The following COL12A1 variants were observed in gnomAD, a reference collection of about 807,000 sequenced individuals.
COL12A1 encodes collagen type XII alpha 1 chain.
Under a neutral mutation model 349.7 loss-of-function variants are expected in COL12A1, and 114 were observed. The ratio of observed to expected loss-of-function variants is 0.33; its 90% CI spans 0.28 to 0.38. The LOEUF (loss-of-function observed/expected upper bound fraction) is 0.38. Ranked by LOEUF, COL12A1 falls within the 10% of genes least tolerant of loss-of-function variation. The pLI, the probability that COL12A1 is intolerant of heterozygous loss-of-function variation, is 1.00. For missense variants in COL12A1, 3,284 were observed against 3,756.9 expected (o/e 0.87, Z 3.29); for synonymous variants, 1,369 against 1,329.0 (o/e 1.03, Z -0.66).
rs368773405 is a variant in COL12A1 at position 75,152,248 on chromosome 6, G to C, written c.3718C>G (p.Leu1240Val). The change falls in exon 19 of 66, where the codon CTT becomes GTT. Residue 1240 changes from leucine (L) to valine (V), a missense_variant and splice_region_variant. Leu to Val is a conservative substitution (Grantham distance 32, BLOSUM62 1). This residue lies in a region of COL12A1 where 2,601 missense variants were observed against 2,824.8 expected (regional missense o/e 0.92). Transcript: ENST00000322507. ...CTGGGATCCCCACTATACTGAGCAA[G>C]AGCTAAAATGACACCACTGGCATTA... ...DIGPKRVQIA[L>V]AQYSGDPRTE... The C allele has an allele frequency of 2.0e-5, 32 of 1,613,564 alleles. No homozygotes were observed. The highest frequency in any genetic ancestry group is 2.6e-5 in the Non-Finnish European group (31 of 1,179,750).
At chr6:75,187,182 A>AATG (rs1347513416) in intron 8 of COL12A1, among the ~76,000 whole-genome samples, 1 of 149,566 alleles carries the variant, frequency 6.7e-6, no homozygotes, top group Non-Finnish European at 1.5e-5. Context: ...ATATATTTAA[A>AATG]ATGATGTTTA....
intron 31 of COL12A1, among the ~76,000 whole-genome samples, chr6:75,136,335 C>A (rs955897440): frequency 1.3e-5 from 2 of 152,140 alleles, no homozygotes; most frequent in Admixed American, 6.5e-5. Context: ...CTAAAACAGA[C>A]AAATTCTCAG....
At position 75,145,438 on chromosome 6, in the gene COL12A1, T is replaced by C. The variant is rs1767129489; in HGVS notation, c.4578A>G (p.Thr1526=). 1.9e-6 allele frequency: 3 copies of C among 1,613,808 alleles called. No individual in the cohort carries two copies. Among genetic ancestry groups the C allele is most frequent in the South Asian group, 1.1e-5 (1 of 91,064 alleles). Residue 1526 remains threonine, a synonymous_variant, in exon 25 of 66, where the codon ACA becomes ACG. Transcript: ENST00000322507. ...TRPKEVRLGP[T]VNDMQLTDLV... ...GGTCAGTCAGCTGCATGTCATTCAC[T>C]GTTGGCCCCAAACGCACCTGCACAT...
chr6:75,158,072 C>G lies in COL12A1; in HGVS notation c.2984-1549G>C, dbSNP rs147864500. Among the ~76,000 whole-genome samples the G allele has an allele frequency of 2.0e-5, 3 of 152,148 alleles. No homozygotes were observed. In the East Asian group the frequency reaches 5.8e-4, roughly 29 times the overall value. On this transcript the variant is annotated intron_variant, in intron 14 of 65. Coordinates refer to ENST00000322507, the MANE Select transcript of COL12A1 (RefSeq NM_004370.6). Reference sequence around the variant, plus strand: ...CTAGCACCCAAGCAAATAAAATTCACAAAATCTGACATCTAATAAAAGTTA... The same window carrying G: ...CTAGCACCCAAGCAAATAAAATTCAGAAAATCTGACATCTAATAAAAGTTA...
intron 47 of COL12A1, among the ~76,000 whole-genome samples, chr6:75,117,045 G>A (rs899332965): frequency 6.6e-6 from 1 of 152,082 alleles, no homozygotes; most frequent in Admixed American, 6.6e-5. Flanking sequence ...GATTACTAAT[G>A]GGGAAAACCT....
Position 75,121,322 on chromosome 6 carries a change from T to C in COL12A1, c.7066A>G (p.Ile2356Val). Residue 2356 changes from isoleucine (I) to valine (V), a missense_variant, in exon 44 of 66, where the codon ATC (isoleucine) becomes GTC (valine). Physicochemically the swap from Ile to Val is conservative, Grantham distance 29 (BLOSUM62 3). This residue lies in a region of COL12A1 where 683 missense variants were observed against 932.1 expected (regional missense o/e 0.73). Transcript: ENST00000322507. ...IFNTVGGFDEISPAGIQVSFV... is the reference protein window; with the variant it reads ...IFNTVGGFDEVSPAGIQVSFV... ...CTAACCTGAATCCCAGCAGGACTGA[T>C]TTCATCAAAGCCTCCCACAGTATTG... The C allele has an allele frequency of 6.2e-7, 1 of 1,608,884 alleles. No homozygotes were observed. Among genetic ancestry groups the C allele is most frequent in the Non-Finnish European group, 8.5e-7 (1 of 1,176,406 alleles).
At position 75,133,935 on chromosome 6, in the gene COL12A1, G is replaced by A. The variant is rs201372309; in HGVS notation, c.5587C>T (p.Arg1863Cys). ...YDPSTSTLNV[R>C]WDHAEGNPRQ... is the part of the protein sequence containing the mutation. ...GGATTTCCCTCTGCATGGTCCCAGC[G>A]GACATTCAAGGTGCTGGTAGAAGGG... Residue 1863 changes from arginine to cysteine, a missense_variant, in exon 33 of 66, where the codon CGC becomes TGC. Arg to Cys is a radical substitution (Grantham distance 180). Around this residue, in one of 2 missense-constraint regions of COL12A1, gnomAD observed 2,601 missense variants for 2,824.8 expected, o/e 0.92. Transcript: ENST00000322507. 111 of 1,613,950 alleles carry A rather than the reference G, an allele frequency of 6.9e-5. No individual in the cohort carries two copies. Among genetic ancestry groups the A allele is most frequent in the East Asian group, 1.1e-4 (5 of 44,852 alleles).
At chr6:75,119,235 C>T (rs1254839274) in intron 45 of COL12A1, 49 bp from the exon 46 acceptor site, 1 of 1,612,968 alleles carries the variant, frequency 6.2e-7, no homozygotes, top group Non-Finnish European at 8.5e-7. Context: ...GTGAAAACTA[C>T]CCAAATGCCA....
intron 8 of COL12A1, 138 bp from the exon 9 acceptor site, chr6:75,184,282 C>T (rs1769491493): frequency 2.2e-6 from 2 of 927,424 alleles, no homozygotes; most frequent in Non-Finnish European, 1.6e-6. Flanking sequence ...ATACCCGCCT[C>T]AGTCCCCAAT....
intron 38 of COL12A1, among the ~76,000 whole-genome samples, chr6:75,127,238 A>C (rs1158722834): frequency 6.6e-6 from 1 of 152,130 alleles, no homozygotes; most frequent in Non-Finnish European, 1.5e-5. Context: ...ATCTGAGAAA[A>C]TTTAAAAAGT....
At position 75,189,367 on chromosome 6, in the gene COL12A1, A is replaced by C. The variant is rs370494661; in HGVS notation, c.673T>G (p.Tyr225Asp). 2 of 1,612,674 alleles carry C rather than the reference A, an allele frequency of 1.2e-6. No individual in the cohort carries two copies. The highest frequency in any genetic ancestry group is 1.7e-6 in the Non-Finnish European group (2 of 1,179,324). ...TCCGTGAAAGTATTTTTAACTAAAT[A>C]ATCAATGGCATCCCCTAAAGGGAAA... ...GNTMTGDAID[Y>D]LVKNTFTESA... The change falls in exon 7 of 66, where the codon TAT becomes GAT. Residue 225 changes from tyrosine (Y) to aspartate (D), a missense_variant. Tyr to Asp is a radical substitution (Grantham distance 160). Transcript: ENST00000322507.
Position 75,097,266 on chromosome 6 carries a change from G to A in COL12A1, c.8564C>T (p.Pro2855Leu). Residue 2855 changes from proline (P) to leucine (L), a missense_variant, in exon 59 of 66, where the codon CCA becomes CTA. Physicochemically the swap from Pro to Leu is moderately conservative, Grantham distance 98 (BLOSUM62 -3). Around this residue, in one of 2 missense-constraint regions of COL12A1, gnomAD observed 683 missense variants for 932.1 expected, o/e 0.73. Coordinates refer to ENST00000322507, the MANE Select transcript of COL12A1 (RefSeq NM_004370.6). Reference protein sequence around the residue: ...GKDGAMGPRGPPGPPGSPGSP... With the variant: ...GKDGAMGPRGLPGPPGSPGSP... Reference sequence around the variant, plus strand: ...TTTAGTTCTTACCGGCGGCCCTGGTGGGCCCCTGGGTCCCATTGCACCGTC... The same window carrying A: ...TTTAGTTCTTACCGGCGGCCCTGGTAGGCCCCTGGGTCCCATTGCACCGTC... The A allele has an allele frequency of 1.2e-6, 2 of 1,613,754 alleles. No individual in the cohort carries two copies. Among genetic ancestry groups the A allele is most frequent in the Non-Finnish European group, 1.7e-6 (2 of 1,179,760 alleles).
At chr6:75,139,325 A>G (rs1454659411) in intron 27 of COL12A1, among the ~76,000 whole-genome samples, 2 of 152,224 alleles carry the variant, frequency 1.3e-5, no homozygotes, top group African/African-American at 4.8e-5. Flanking sequence ...CAGTCTATCA[A>G]TAACCCCAAA....
At chr6:75,169,984 G>C (rs1768537047) in intron 13 of COL12A1, among the ~76,000 whole-genome samples, 1 of 152,182 alleles carries the variant, frequency 6.6e-6, no homozygotes, top group South Asian at 2.1e-4. Context: ...GCTGTGGGAA[G>C]TAATTCAGAC....
At chr6:75,154,316 A>C in intron 17 of COL12A1, 100 bp downstream of exon 17, 3 of 1,318,358 alleles carry the variant, frequency 2.3e-6, no homozygotes, top group Non-Finnish European at 3.0e-6. Flanking sequence ...TTTAGTGTAA[A>C]ATTTGTATCA....
intron 35 of COL12A1, 91 bp downstream of exon 35, chr6:75,131,849 T>C: frequency 7.2e-7 from 1 of 1,393,050 alleles, no homozygotes; most frequent in Admixed American, 1.9e-5. Context: ...CTGGCATGTT[T>C]GTGGTTTGTG....
chr6:75,145,923 C>T (rs1205806492), intron 24 of COL12A1, among the ~76,000 whole-genome samples, 179 bp downstream of exon 24: 3 of 152,286 alleles, frequency 2.0e-5, no homozygotes, highest in Admixed American at 6.5e-5. Context: ...CGTCAGTCAC[C>T]GTGGGCAGTC....
rs139224736 is a variant in COL12A1, at chr6:75,160,422, A to G, written c.2984-3899T>C. ...ATGCCCTCTTGGAAGCATATGTGAA[A>G]CTCTAGGAGCATGGGCTCGGGTTTC... is the stretch of plus-strand genomic sequence containing the variant. On this transcript the variant is annotated intron_variant, in intron 14 of 65. Coordinates refer to ENST00000322507, the MANE Select transcript of COL12A1 (RefSeq NM_004370.6). Among the ~76,000 whole-genome samples, 331 of 152,250 alleles carry G rather than the reference A, an allele frequency of 2.2e-3. 1 individual carries two copies. The highest frequency in any genetic ancestry group is 0.014 in the Admixed American group (220 of 15,300).
chr6:75,123,336 G>T lies in COL12A1; in HGVS notation c.6940C>A (p.Arg2314=). ...PPPPPTIPPA[R]DVCKGAKADI... Reference sequence around the variant, plus strand: ...CCTATTTAGCTGTACTTACCATCCCGGGCTGGTGGAATGGTGGGAGGGGGA... The same window carrying T: ...CCTATTTAGCTGTACTTACCATCCCTGGCTGGTGGAATGGTGGGAGGGGGA... Residue 2314 remains arginine (R), a synonymous_variant, in exon 43 of 66, where the codon CGG becomes AGG. Coordinates refer to ENST00000322507, the MANE Select transcript of COL12A1 (RefSeq NM_004370.6). 1 of 1,609,200 alleles carries T rather than the reference G, an allele frequency of 6.2e-7. No homozygotes were observed. The highest frequency in any genetic ancestry group is 8.5e-7 in the Non-Finnish European group (1 of 1,177,684).
Sources: gnomAD v4.1 joint callset for allele counts (sites outside exome capture counted in the v4.1 genomes callset) on GRCh38, gnomAD v4.1.1 for gene constraint, gnomAD v4.1.1 regional missense constraint, MANE v1.5 for transcripts, NCBI Gene and HGNC (gene_info 2026-07-23, HGNC 2026-07-21) for gene names.